The following ARHGEF3 variants were observed in gnomAD, a reference collection of about 807,000 sequenced individuals.
ARHGEF3 encodes the protein 59.8 kDA protein.
ARHGEF3 carries 28 observed loss-of-function variants against 63.2 expected under a neutral mutation model. The ratio of observed to expected loss-of-function variants is 0.44; its 90% CI spans 0.33 to 0.61. ARHGEF3 has a LOEUF of 0.61. ARHGEF3 is among the 20% of genes least tolerant of loss of function. The pLI is 0.03. For missense variants in ARHGEF3, 533 were observed against 659.3 expected, an observed-to-expected ratio of 0.81 and a Z score of 2.10; for synonymous variants, 266 against 254.2, an observed-to-expected ratio of 1.05 and a Z score of -0.44.
rs183766259 is a variant in ARHGEF3, at chr3:56,767,300, C to T, written c.204+6409G>A. On this transcript the variant is annotated intron_variant, in intron 2 of 9. Coordinates refer to ENST00000296315, the MANE Select transcript of ARHGEF3 (RefSeq NM_019555.3). ...CATTTTGTTTTAAAAAATGCACATG[C>T]GGCCGGGCGCGGTGGCTCACGCCTG... is the stretch of plus-strand genomic sequence containing the variant. Among the ~76,000 whole-genome samples, 396 of 151,600 alleles carry T rather than the reference C, an allele frequency of 2.6e-3. 3 individuals are homozygous for T. The highest frequency in any genetic ancestry group is 9.2e-3 in the African/African-American group (378 of 41,262).
chr3:56,879,520 T>C (rs776811284), intron 4 of ARHGEF3, among the ~76,000 whole-genome samples: 1 of 152,214 alleles, frequency 6.6e-6, no homozygotes, highest in Non-Finnish European at 1.5e-5. Context: ...TCATCTGCAA[T>C]TTCTTGTTCA....
At chr3:56,819,353 C>T (rs911944428) in intron 4 of ARHGEF3, among the ~76,000 whole-genome samples, 5 of 152,164 alleles carry the variant, frequency 3.3e-5, no homozygotes, top group African/African-American at 1.2e-4. Context: ...CATCCTTCTC[C>T]ATGTTTTAAA....
At chr3:56,949,150 T>C (rs1578924266) in intron 3 of ARHGEF3, among the ~76,000 whole-genome samples, 1 of 151,764 alleles carries the variant, frequency 6.6e-6, no homozygotes, top group East Asian at 1.9e-4. Context: ...GAGCTATCTA[T>C]GACAAACCCA....
chr3:56,845,216 G>A (rs1435123756), intron 4 of ARHGEF3, among the ~76,000 whole-genome samples: 3 of 152,184 alleles, frequency 2.0e-5, no homozygotes, highest in African/African-American at 4.8e-5. Flanking sequence ...CCTGGCCAAC[G>A]CCTTGATTGC....
intron 4 of ARHGEF3, among the ~76,000 whole-genome samples, chr3:56,840,939 T>C (rs2039289876): frequency 6.6e-6 from 1 of 152,130 alleles, no homozygotes; most frequent in Non-Finnish European, 1.5e-5. Flanking sequence ...AACTGTAAGA[T>C]TAAAACAGCA....
chr3:56,967,153 G>A (rs373166042), intron 2 of ARHGEF3, among the ~76,000 whole-genome samples: 24 of 146,188 alleles, frequency 1.6e-4, no homozygotes, highest in Middle Eastern at 3.6e-3. Context: ...ATGAGCCACC[G>A]CGCCCAGCCT....
chr3:56,814,710 C>G (rs189960907), intron 4 of ARHGEF3, among the ~76,000 whole-genome samples: 8 of 152,036 alleles, frequency 5.3e-5, no homozygotes, highest in African/African-American at 1.9e-4. Context: ...ATTTGGAGAA[C>G]TTTTCCAACA....
At chr3:56,876,420 G>A (rs2040587570) in intron 4 of ARHGEF3, among the ~76,000 whole-genome samples, 1 of 152,184 alleles carries the variant, frequency 6.6e-6, no homozygotes, top group African/African-American at 2.4e-5. Flanking sequence ...AGTCATGTTA[G>A]TGAGCTCCAG....
chr3:57,008,052 A>G (rs767137197), intron 2 of ARHGEF3, among the ~76,000 whole-genome samples: 1 of 152,210 alleles, frequency 6.6e-6, no homozygotes, highest in Non-Finnish European at 1.5e-5. Context: ...TAACACCACG[A>G]GAATTTTTCT....
intron 2 of ARHGEF3, among the ~76,000 whole-genome samples, chr3:56,976,805 C>T (rs1701141896): frequency 6.6e-6 from 1 of 152,018 alleles, no homozygotes; most frequent in African/African-American, 2.4e-5. Context: ...AGTGGAACTG[C>T]GTCAGGCTTG....
At chr3:56,741,489 A>G (rs1428684149) in intron 7 of ARHGEF3, among the ~76,000 whole-genome samples, 2 of 106,718 alleles carry the variant, frequency 1.9e-5, no homozygotes, top group Admixed American at 1.2e-4. Flanking sequence ...TGGCCTCTAC[A>G]TTGGTTCTTT....
chr3:56,850,345 A>G (rs533162864), intron 4 of ARHGEF3, among the ~76,000 whole-genome samples: 2 of 152,336 alleles, frequency 1.3e-5, no homozygotes, highest in South Asian at 4.1e-4. Context: ...CCTGGCCAAC[A>G]TGGTGAAACC....
intron 3 of ARHGEF3, among the ~76,000 whole-genome samples, chr3:56,910,842 G>T (rs1336309596): frequency 6.6e-6 from 1 of 152,138 alleles, no homozygotes; most frequent in Non-Finnish European, 1.5e-5. Context: ...GCTGTTTGAA[G>T]CGCTTCACAG....
intron 3 of ARHGEF3, among the ~76,000 whole-genome samples, chr3:56,928,948 G>C (rs2042343577): frequency 6.6e-6 from 1 of 152,162 alleles, no homozygotes; most frequent in South Asian, 2.1e-4. Flanking sequence ...ATCAGAAATT[G>C]CTGTCTTGCC....
intron 2 of ARHGEF3, among the ~76,000 whole-genome samples, chr3:56,996,136 C>T (rs1001126277): frequency 6.6e-6 from 1 of 152,128 alleles, no homozygotes; most frequent in Non-Finnish European, 1.5e-5. Flanking sequence ...GAGACTGGGA[C>T]TCACCAACTG....
At chr3:56,936,920 T>C (rs1409617975) in intron 3 of ARHGEF3, among the ~76,000 whole-genome samples, 1 of 152,162 alleles carries the variant, frequency 6.6e-6, no homozygotes, top group Non-Finnish European at 1.5e-5. Context: ...GGTTTCGCCA[T>C]GTTGCCCAGG....
chr3:56,921,722 T>C (rs896964078), intron 3 of ARHGEF3, among the ~76,000 whole-genome samples: 2 of 152,302 alleles, frequency 1.3e-5, no homozygotes, highest in East Asian at 1.9e-4. Flanking sequence ...CTGTGAACAT[T>C]TGAAAATGTT....
chr3:56,923,364 A>G (rs1237893041), intron 3 of ARHGEF3, among the ~76,000 whole-genome samples: 1 of 151,844 alleles, frequency 6.6e-6, no homozygotes, highest in Non-Finnish European at 1.5e-5. Flanking sequence ...TTTTTCAAAC[A>G]GAAGAGGAAA....
chr3:56,995,620 CG>C (rs1701941444), intron 2 of ARHGEF3, among the ~76,000 whole-genome samples: 3 of 113,196 alleles, frequency 2.7e-5, no homozygotes, highest in African/African-American at 7.2e-5. Flanking sequence ...GTAAATTTTC[CG>C]AGAGAGAGAG....
Sources: gnomAD v4.1 joint callset for allele counts (sites outside exome capture counted in the v4.1 genomes callset) on GRCh38, gnomAD v4.1.1 for gene constraint, MANE v1.5 for transcripts, NCBI Gene and HGNC (gene_info 2026-07-23, HGNC 2026-07-21) for gene names.